The following DOCK7 variants were observed in gnomAD, a reference collection of about 807,000 sequenced individuals.
DOCK7 encodes dedicator of cytokinesis 7.
In DOCK7, 138 loss-of-function variants were observed where a neutral mutation model predicts 271.0. That is an observed-to-expected ratio of 0.51 (90% confidence interval 0.44 to 0.59). The LOEUF is 0.59. DOCK7 is among the 20% of genes least tolerant of loss of function. DOCK7 has a pLI of 0.00. For missense variants in DOCK7, 2,066 were observed against 2,592.4 expected (o/e 0.80, Z 4.41); for synonymous variants, 823 against 876.1 (o/e 0.94, Z 1.07).
At chr1:62,503,066 C>T (rs976394893) in intron 37 of DOCK7, among the ~76,000 whole-genome samples, 8 of 152,026 alleles carry the variant, frequency 5.3e-5, no homozygotes, top group African/African-American at 1.7e-4. Context: ...AAAACCAAGA[C>T]GAGTTCTTTT....
chr1:62,487,493 A>G, intron 42 of DOCK7, 81 bp from the exon 43 acceptor site: 1 of 1,256,884 alleles, frequency 8.0e-7, no homozygotes, highest in Non-Finnish European at 1.2e-6. Context: ...ACCATATACC[A>G]TAAATTCTTC....
intron 14 of DOCK7, among the ~76,000 whole-genome samples, chr1:62,593,848 AAC>A (rs1405744408): frequency 2.0e-5 from 3 of 152,202 alleles, no homozygotes; most frequent in Non-Finnish European, 4.4e-5. Context: ...TTAATTAAAA[AAC>A]AAACTATTGT....
intron 13 of DOCK7, 151 bp downstream of exon 13, chr1:62,619,749 T>TA: frequency 2.2e-6 from 1 of 459,258 alleles, no homozygotes; most frequent in Non-Finnish European, 3.9e-6. Flanking sequence ...GATCACATGA[T>TA]AGTTAATAAA....
At chr1:62,641,175 A>AT (rs1381769031) in intron 7 of DOCK7, 1 of 346,800 alleles carries the variant, frequency 2.9e-6, no homozygotes, top group Non-Finnish European at 5.6e-6. Flanking sequence ...TTTCTTCTCC[A>AT]TGTTCTTTTG....
At chr1:62,465,593 C>T (rs886922041) in intron 48 of DOCK7, among the ~76,000 whole-genome samples, 3 of 152,102 alleles carry the variant, frequency 2.0e-5, no homozygotes, top group African/African-American at 4.8e-5. Flanking sequence ...GCTCTGTTAC[C>T]CAGGCTGCAG....
chr1:62,675,259 C>T (rs1660421003), intron 1 of DOCK7, among the ~76,000 whole-genome samples: 1 of 151,990 alleles, frequency 6.6e-6, no homozygotes, highest in Admixed American at 6.6e-5. Context: ...AAAAATTAGC[C>T]AGATGTGGTG....
intron 48 of DOCK7, among the ~76,000 whole-genome samples, chr1:62,473,766 G>A (rs1363355654): frequency 1.3e-5 from 2 of 151,890 alleles, no homozygotes; most frequent in South Asian, 2.1e-4. Context: ...AATTTTTTTC[G>A]TAGAGATGGG....
At chr1:62,581,508 A>G (rs979046944) in intron 16 of DOCK7, among the ~76,000 whole-genome samples, 4 of 152,170 alleles carry the variant, frequency 2.6e-5, no homozygotes, top group African/African-American at 9.6e-5. Flanking sequence ...GGGCATCCAA[A>G]TGAGTATGTC....
At chr1:62,553,313 TATATATATATA>T (rs1209964335) in intron 21 of DOCK7, among the ~76,000 whole-genome samples, 1 of 50,666 alleles carries the variant, frequency 2.0e-5, no homozygotes, top group Non-Finnish European at 3.2e-5. Flanking sequence ...AAAAGTATTT[TATATATATATA>T]TATATATATA....
chr1:62,660,536 T>G (rs1240349796), intron 2 of DOCK7, among the ~76,000 whole-genome samples: 2 of 152,136 alleles, frequency 1.3e-5, no homozygotes, highest in Non-Finnish European at 2.9e-5. Context: ...GGTGGAAATG[T>G]AAAATGATAC....
chr1:62,604,537 T>C, intron 14 of DOCK7: 4 of 1,290,426 alleles, frequency 3.1e-6, no homozygotes, highest in Non-Finnish European at 3.3e-6. Flanking sequence ...AACACTGTAA[T>C]ATTTATAAGA....
intron 31 of DOCK7, among the ~76,000 whole-genome samples, chr1:62,522,009 A>C (rs1034661562): frequency 8.6e-5 from 13 of 152,008 alleles, no homozygotes; most frequent in African/African-American, 3.1e-4. Flanking sequence ...AAAATAAATA[A>C]ATACAATCAA....
chr1:62,490,235 T>A (rs575156686), intron 41 of DOCK7, among the ~76,000 whole-genome samples: 26 of 151,966 alleles, frequency 1.7e-4, no homozygotes, highest in African/African-American at 6.0e-4. Context: ...CATGCCCAGC[T>A]AATTTTTTCA....
chr1:62,565,657 A>G (rs200355696), intron 18 of DOCK7, among the ~76,000 whole-genome samples: 2 of 152,048 alleles, frequency 1.3e-5, no homozygotes, highest in African/African-American at 2.4e-5. Context: ...GCACAAGACA[A>G]GGATGCCCTC....
chr1:62,595,473 T>C (rs929261301), intron 14 of DOCK7, among the ~76,000 whole-genome samples: 1 of 152,218 alleles, frequency 6.6e-6, no homozygotes, highest in Non-Finnish European at 1.5e-5. Context: ...AGCTGAAGAA[T>C]ATGAAATCCG....
chr1:62,687,528 TCAGAA>T (rs56280080), intron 1 of DOCK7: 49,851 of 151,880 alleles, frequency 0.33, 8,290 homozygotes, highest in South Asian at 0.42. Flanking sequence ...ACAGGCGAAC[TCAGAA>T]CAAGCTTCAG....
chr1:62,487,602 A>C, intron 42 of DOCK7, 190 bp from the exon 43 acceptor site: 1 of 486,416 alleles, frequency 2.1e-6, no homozygotes, highest in Non-Finnish European at 3.6e-6. Context: ...CCAGTGGCTA[A>C]AATTTTGCCT....
intron 37 of DOCK7, among the ~76,000 whole-genome samples, chr1:62,501,747 A>G (rs1476699612): frequency 6.6e-6 from 1 of 152,134 alleles, no homozygotes; most frequent in Non-Finnish European, 1.5e-5. Flanking sequence ...GGATTTATAT[A>G]CACGTAAGAA....
intron 1 of DOCK7, among the ~76,000 whole-genome samples, chr1:62,663,893 A>G: frequency 6.6e-6 from 1 of 152,210 alleles, no homozygotes; most frequent in Non-Finnish European, 1.5e-5. Flanking sequence ...TTGTGTTTTA[A>G]AAGGCTAACT....
Sources: allele counts gnomAD v4.1 joint callset (sites outside exome capture counted in the v4.1 genomes callset), GRCh38; gene constraint gnomAD v4.1.1; transcripts MANE v1.5; gene names NCBI Gene and HGNC (gene_info 2026-07-23, HGNC 2026-07-21).